The following BEND2 variants were observed in gnomAD, a reference collection of about 807,000 sequenced individuals.
BEND2 encodes BEN domain-containing protein 2.
Under a neutral mutation model 43.8 loss-of-function variants are expected in BEND2, and 19 were observed. The observed-to-expected ratio is 0.43, with a 90% CI of 0.30 to 0.64. The LOEUF (loss-of-function observed/expected upper bound fraction) is 0.64, where lower values mean the gene tolerates loss of function less well. Among genes scored for constraint, BEND2 ranks in the 30% least tolerant of loss-of-function variants. The pLI, the probability that BEND2 is intolerant of heterozygous loss-of-function variation, is 0.11. For synonymous variants in BEND2, 226 were observed against 210.1 expected (o/e 1.08, Z -0.66); for missense variants, 544 against 574.0 (o/e 0.95, Z 0.53).
At chrX:18,187,032 A>G (rs1255738220) in intron 8 of BEND2, among the ~76,000 whole-genome samples, 1 of 109,703 alleles carries the variant, frequency 9.1e-6, no homozygotes, top group African/African-American at 3.3e-5. Flanking sequence ...TCATGCCACC[A>G]GAAAAAATTA....
intron 11 of BEND2, 132 bp from the exon 12 acceptor site, chrX:18,174,390 A>G (rs1924078307): frequency 1.9e-6 from 1 of 534,536 alleles, no homozygotes; most frequent in Non-Finnish European, 3.0e-6. Flanking sequence ...CTGAAGCCAT[A>G]GGAATACTGT....
Position 18,201,926 on chromosome X carries a change from G to C in BEND2, c.922C>G (p.Pro308Ala). 1 of 1,207,320 alleles carries C rather than the reference G, an allele frequency of 8.3e-7. No individual in the cohort carries two copies. Among genetic ancestry groups the C allele is most frequent in the Middle Eastern group, 2.3e-4 (1 of 4,339 alleles). Residue 308 changes from proline to alanine, a missense_variant, in exon 6 of 14, where the codon CCA becomes GCA. By Grantham distance (27) the Pro-to-Ala change is conservative (BLOSUM62 -1). Around this residue, in one of 2 missense-constraint regions of BEND2, gnomAD observed 501 missense variants for 501.6 expected, o/e 1.00. Transcript: ENST00000380033. ...FHPNLEMPER[P>A]ANSSKNSTET... ...GTGCTGTTTTTACTGCTGTTTGCTG[G>C]TCTTTCTGGCATTTCTGTAAATAAA...
In BEND2 at chrX:18,192,929, C is replaced by T. The variant is rs182524808; in HGVS notation, c.1181-1821G>A. On this transcript the variant is annotated intron_variant, in intron 7 of 13. Transcript: ENST00000380033. ...CCAAGGCAGGTGGATCACTTGGTGC[C>T]AGGAGTTGGAGGCCAGCCTGGCCAA... is the stretch of plus-strand genomic sequence containing the variant. Among the ~76,000 whole-genome samples the T allele has an allele frequency of 6.5e-3, 723 of 111,721 alleles. 6 individuals carry two copies. The highest frequency in any genetic ancestry group is 0.023 in the African/African-American group (698 of 30,809).
At chrX:18,216,971 C>T in intron 1 of BEND2, among the ~76,000 whole-genome samples, 1 of 112,419 alleles carries the variant, frequency 8.9e-6, no homozygotes, top group Admixed American at 9.5e-5. Context: ...ATCTCTAGTA[C>T]TTCCAATTTC....
intron 4 of BEND2, 29 bp downstream of exon 4, chrX:18,212,536 C>A: frequency 9.9e-7 from 1 of 1,013,036 alleles, no homozygotes; most frequent in Non-Finnish European, 1.4e-6. Context: ...GAGAGATTTT[C>A]ACTTTAATAA....
At position 18,191,041 on chromosome X, in the gene BEND2, T is replaced by A. The variant is rs1255837281; in HGVS notation, c.1248A>T (p.Gln416His). The change falls in exon 8 of 14, where the codon CAA becomes CAT. Residue 416 changes from glutamine (Q) to histidine (H), a missense_variant. Gln to His is a conservative substitution (Grantham distance 24). Coordinates refer to ENST00000380033, the MANE Select transcript of BEND2 (RefSeq NM_153346.5). ...GGCAGGCAGATGCTGAAGCATCATC[T>A]TGGTCACAGTTATTTTTCATTTCAG... ...YSTEMKNNCDQDDASASACLT... is the reference protein window; with the variant it reads ...YSTEMKNNCDHDDASASACLT... 2 of 1,210,531 alleles carry A rather than the reference T, an allele frequency of 1.7e-6. No homozygotes were observed.
At chrX:18,181,820 G>T (rs779246368) in intron 8 of BEND2, among the ~76,000 whole-genome samples, 2 of 111,245 alleles carry the variant, frequency 1.8e-5, no homozygotes, top group Non-Finnish European at 3.8e-5. Context: ...TCACAGGAAG[G>T]CAAGAAAAAG....
At chrX:18,170,045 A>G (rs1249263281) in intron 13 of BEND2, among the ~76,000 whole-genome samples, 1 of 111,586 alleles carries the variant, frequency 9.0e-6, no homozygotes, top group Non-Finnish European at 1.9e-5. Flanking sequence ...TTTTTTAACC[A>G]TAAAGTAAGG....
chrX:18,199,527 C>A (rs1323104198), intron 6 of BEND2, among the ~76,000 whole-genome samples: 2 of 111,585 alleles, frequency 1.8e-5, no homozygotes, highest in East Asian at 5.6e-4. Context: ...GGATATAGTT[C>A]TTTAAGATGT....
chrX:18,195,322 G>A lies in BEND2; in HGVS notation c.1154C>T (p.Ser385Leu), dbSNP rs1444107466. The change falls in exon 7 of 14, where the codon TCA becomes TTA. Residue 385 changes from serine (S) to leucine (L), a missense_variant. Ser to Leu is a moderately radical substitution (Grantham distance 145). Around this residue, in one of 2 missense-constraint regions of BEND2, gnomAD observed 501 missense variants for 501.6 expected, o/e 1.00. Coordinates refer to ENST00000380033, the MANE Select transcript of BEND2 (RefSeq NM_153346.5). ...GNTSAPYPAS[S>L]YLPITSNFES... ...AAAATTAGAAGTGATGGGAAGATAT[G>A]AAGAGGCTGGATATGGGGCACTCGT... 8.3e-7 allele frequency: 1 copy of A among 1,207,361 alleles called. No individual in the cohort carries two copies. Among genetic ancestry groups the A allele is most frequent in the Admixed American group, 2.2e-5 (1 of 45,464 alleles).
At chrX:18,167,718 G>A (rs1443496640) in intron 13 of BEND2, among the ~76,000 whole-genome samples, 2 of 110,891 alleles carry the variant, frequency 1.8e-5, no homozygotes, top group Non-Finnish European at 1.9e-5. Context: ...AGTAGCTAGT[G>A]TATGCCCAGC....
intron 8 of BEND2, among the ~76,000 whole-genome samples, chrX:18,185,748 C>A (rs1924548716): frequency 9.1e-6 from 1 of 109,722 alleles, no homozygotes; most frequent in African/African-American, 3.3e-5. Flanking sequence ...AAACAACATA[C>A]AAAGACCTCC....
At chrX:18,173,853 A>G (rs1433438704) in intron 12 of BEND2, among the ~76,000 whole-genome samples, 177 bp downstream of exon 12, 1 of 112,106 alleles carries the variant, frequency 8.9e-6, no homozygotes, top group Non-Finnish European at 1.9e-5. Flanking sequence ...CCATGTGTCT[A>G]TATATTTCAT....
At chrX:18,179,889 GC>G (rs1569117904) in intron 9 of BEND2, among the ~76,000 whole-genome samples, 2 of 111,964 alleles carry the variant, frequency 1.8e-5, no homozygotes, top group Non-Finnish European at 3.8e-5. Context: ...AGAAACATGA[GC>G]TTTAGGCCAG....
chrX:18,214,553 G>T (rs1925612639), intron 2 of BEND2, among the ~76,000 whole-genome samples: 1 of 110,746 alleles, frequency 9.0e-6, no homozygotes, highest in Non-Finnish European at 1.9e-5. Context: ...GCCGGGCGTG[G>T]TGGCTCATGC....
At chrX:18,216,006 T>C (rs936035534) in intron 2 of BEND2, among the ~76,000 whole-genome samples, 1 of 111,948 alleles carries the variant, frequency 8.9e-6, no homozygotes, top group African/African-American at 3.2e-5. Flanking sequence ...TGGATGCTAA[T>C]GTAAATTTCA....
At chrX:18,180,434 C>T in intron 9 of BEND2, 76 bp downstream of exon 9, 8 of 1,156,793 alleles carry the variant, frequency 6.9e-6, no homozygotes, top group Non-Finnish European at 9.3e-6. Context: ...ACAGAGCTTT[C>T]ACTGTCTTGC....
intron 2 of BEND2, among the ~76,000 whole-genome samples, chrX:18,215,158 A>G (rs1925638478): frequency 8.9e-6 from 1 of 111,941 alleles, no homozygotes; most frequent in Non-Finnish European, 1.9e-5. Context: ...TATCATTTTA[A>G]TCATTTGTAA....
chrX:18,207,854 A>G (rs1426038028), intron 4 of BEND2, among the ~76,000 whole-genome samples: 1 of 111,390 alleles, frequency 9.0e-6, no homozygotes, highest in Non-Finnish European at 1.9e-5. Context: ...CCCTGTCTCT[A>G]CTAAAAATAC....
Sources: gnomAD v4.1 joint callset for allele counts (sites outside exome capture counted in the v4.1 genomes callset) on GRCh38, gnomAD v4.1.1 for gene constraint, gnomAD v4.1.1 regional missense constraint, MANE v1.5 for transcripts, NCBI Gene and HGNC (gene_info 2026-07-23, HGNC 2026-07-21) for gene names.